Variants in BFSP1 observed in about 807,000 individuals in gnomAD.
BFSP1 encodes filensin.
Under a neutral mutation model 43.9 loss-of-function variants are expected in BFSP1, and 38 were observed. The ratio of observed to expected loss-of-function variants is 0.87; its 90% confidence interval spans 0.67 to 1.14. The LOEUF (loss-of-function observed/expected upper bound fraction) is 1.14. Ranked by LOEUF, BFSP1 falls within the 50% of genes most tolerant of loss-of-function variation. The pLI, the probability that BFSP1 is intolerant of heterozygous loss-of-function variation, is 0.00. For missense variants in BFSP1, 850 were observed against 875.1 expected (o/e 0.97, Z 0.36); for synonymous variants, 352 against 354.8 (o/e 0.99, Z 0.09).
chr20:17,494,041 C>A lies in BFSP1; in HGVS notation c.*33G>T, dbSNP rs1485699791. ...CAAAGCATTACCCCTACAGTGGCCC[C>A]AAATACATTTTATCCCATCAAGCCT... On this transcript the variant is annotated 3_prime_UTR_variant, in exon 8 of 8. Coordinates refer to ENST00000377873, the MANE Select transcript of BFSP1 (RefSeq NM_001195.5). 6.4e-7 allele frequency: 1 copy of A among 1,559,076 alleles called. No individual in the cohort carries two copies.
rs1156875265 is a variant in BFSP1 at position 17,539,105 on chromosome 20, CTTTTTTTTTTT to C, written c.3-14208_3-14198del. ...TGCATCCATGAATATATTTCTTCTT[CTTTTTTTTTTT>C]TTTTTTTTTTTTTTTGCAATGGGGT... is the stretch of plus-strand genomic sequence containing the variant. On this transcript the variant is annotated intron_variant, in intron 1 of 7. Coordinates refer to the BFSP1 transcript ENST00000377868. Among the ~76,000 whole-genome samples, 10 of 63,556 alleles carry C rather than the reference CTTTTTTTTTTT, an allele frequency of 1.6e-4. No homozygotes were observed. In the East Asian group the frequency reaches 4.6e-3, roughly 29 times the overall value. 41.7% of individuals were successfully genotyped at this position (63,556 alleles called of 152,430 possible).
chr20:17,514,867 G>A, intron 2 of BFSP1, 51 bp from the exon 3 acceptor site: 1 of 1,552,936 alleles, frequency 6.4e-7, no homozygotes. Flanking sequence ...GAGCATAGGG[G>A]TAAAGCTGGC....
At chr20:17,541,873 A>G (rs529597910) in intron 1 of BFSP1, among the ~76,000 whole-genome samples, 14 of 152,348 alleles carry the variant, frequency 9.2e-5, no homozygotes, top group African/African-American at 3.4e-4. Flanking sequence ...GTCCTCGGTG[A>G]CCCTAATTGC....
intron 7 of BFSP1, among the ~76,000 whole-genome samples, chr20:17,495,752 TG>T (rs1179983624): frequency 1.3e-5 from 2 of 152,180 alleles, no homozygotes; most frequent in African/African-American, 4.8e-5. Flanking sequence ...AATTCTCACC[TG>T]GTATAATCTA....
Position 17,509,088 on chromosome 20 carries a change from G to A in BFSP1, c.628-92C>T, listed in dbSNP as rs2281207. 146,076 of 901,020 alleles carry A rather than the reference G, an allele frequency of 0.16. 14,527 individuals carry two copies. Among genetic ancestry groups the A allele is most frequent in the East Asian group, 0.43 (13,869 of 32,436 alleles). The allele number at this position is 901,020 out of a possible 1,614,324, so 55.8% of individuals were successfully genotyped here. A position where few individuals can be genotyped will look rare whatever the true frequency, so the allele number is the denominator to read the frequency against. The stretch of plus-strand genomic sequence containing the variant: ...GGGCCCTGGTATGGACGGAATATCC[G>A]TGTCCCCCTGAATTCTGTGTTGAAG... On this transcript the variant is annotated intron_variant, in intron 4 of 7. Transcript: ENST00000377873.
At chr20:17,536,938 T>C (rs2034637041) in intron 1 of BFSP1, among the ~76,000 whole-genome samples, 1 of 152,178 alleles carries the variant, frequency 6.6e-6, no homozygotes, top group Non-Finnish European at 1.5e-5. Flanking sequence ...AAGTCCTAAC[T>C]CCCTCAAAAT....
intron 1 of BFSP1, among the ~76,000 whole-genome samples, chr20:17,557,752 G>A (rs900870224): frequency 2.0e-5 from 3 of 152,180 alleles, no homozygotes; most frequent in African/African-American, 7.2e-5. Flanking sequence ...TGGTTCCAGT[G>A]TGTGTGTTGG....
intron 2 of BFSP1, among the ~76,000 whole-genome samples, chr20:17,521,661 G>A (rs1239216487): frequency 6.6e-6 from 1 of 152,192 alleles, no homozygotes; most frequent in East Asian, 1.9e-4. Flanking sequence ...TGTTCACCTG[G>A]CCCTGCCCTT....
rs374664442 is a variant in BFSP1 at position 17,494,196 on chromosome 20, C to T, written c.1876G>A (p.Glu626Lys). ...ALAYKTVEVV[E>K]SIEKISTESI... ...TCCGTGGAAATCTTCTCGATAGATT[C>T]CACCACTTCCACTGTCTTATAGGCC... Residue 626 changes from glutamate to lysine, a missense_variant, in exon 8 of 8, where the codon GAA becomes AAA. Coordinates refer to ENST00000377873, the MANE Select transcript of BFSP1 (RefSeq NM_001195.5). 8.0e-5 allele frequency: 129 copies of T among 1,614,056 alleles called. 2 individuals are homozygous for T. In the Middle Eastern group the frequency reaches 1.8e-3, roughly 23 times the overall value.
intron 5 of BFSP1, among the ~76,000 whole-genome samples, chr20:17,501,249 G>C (rs577053091): frequency 6.6e-6 from 1 of 152,332 alleles, no homozygotes; most frequent in Non-Finnish European, 1.5e-5. Context: ...AATTCCTTAA[G>C]TGAAAATGTA....
At chr20:17,538,089 C>T (rs908136422) in intron 1 of BFSP1, among the ~76,000 whole-genome samples, 7 of 150,590 alleles carry the variant, frequency 4.6e-5, no homozygotes, top group African/African-American at 1.7e-4. Context: ...CCACTGCACT[C>T]CAGCCTGGGT....
Position 17,494,642 on chromosome 20 carries a change from G to A in BFSP1, c.1430C>T (p.Ala477Val), listed in dbSNP as rs1209265317. The A allele has an allele frequency of 6.8e-6, 11 of 1,614,084 alleles. No homozygotes were observed. In the Admixed American group the frequency reaches 1.8e-4, roughly 27 times the overall value. The change falls in exon 8 of 8, where the codon GCC becomes GTC. Residue 477 changes from alanine to valine, a missense_variant. Physicochemically the swap from Ala to Val is moderately conservative, Grantham distance 64. Coordinates refer to ENST00000377873, the MANE Select transcript of BFSP1 (RefSeq NM_001195.5). ...ATAGAATCTAGGGTCCACGTAATTG[G>A]CATCCCCTGTGACCAGCACGTGCCG... ...KERHVLVTGD[A>V]NYVDPRFYVS...
Position 17,531,059 on chromosome 20 carries a change from G to A in BFSP1, c.271C>T (p.Gln91Ter). 1 of 1,401,300 alleles carries A rather than the reference G, an allele frequency of 7.1e-7. No homozygotes were observed. The allele number at this position is 1,401,300 out of a possible 1,614,324, so 86.8% of individuals were successfully genotyped here. A position where few individuals can be genotyped will look rare whatever the true frequency, so the allele number is the denominator to read the frequency against. ...ACGCGCTGGCGGTTGCTCTCGACTT[G>A]GCGGGCGAGGGCGTCCTCGGGCCCG... ...LAGPEDALAR[Q>*]VESNRQRVRD... The change falls in exon 1 of 8, where the codon CAA becomes TAA. Residue 91 changes from glutamine to a stop codon, truncating the protein, a stop_gained. Transcript: ENST00000377873. LOFTEE classifies it high-confidence loss of function.
At chr20:17,541,335 A>G in intron 1 of BFSP1, 2 of 861,076 alleles carry the variant, frequency 2.3e-6, no homozygotes, top group Non-Finnish European at 2.8e-6. Flanking sequence ...ATGGATCATT[A>G]CAAGGGATCT....
rs920447344 is a variant in BFSP1 at position 17,514,897 on chromosome 20, A to G, written c.439-81T>C. ...GCTGGCCGGGTATATGAGCACACAG[A>G]CCACCTGGGAGCTTACTGAAATGCA... On this transcript the variant is annotated intron_variant, in intron 2 of 7. Transcript: ENST00000377873. The G allele has an allele frequency of 8.9e-6, 11 of 1,235,990 alleles. No homozygotes were observed. The African/African-American group carries it at 1.0e-4, about 12-fold the overall frequency. The allele number at this position is 1,235,990 out of a possible 1,614,324, so 76.6% of individuals were successfully genotyped here.
rs1276454171 is a variant in BFSP1 at position 17,512,007 on chromosome 20, G to A, written c.596C>T (p.Pro199Leu). 6 of 1,611,738 alleles carry A rather than the reference G, an allele frequency of 3.7e-6. No individual in the cohort carries two copies. Among genetic ancestry groups the A allele is most frequent in the Non-Finnish European group, 5.1e-6 (6 of 1,178,004 alleles). Reference sequence around the variant, plus strand: ...CATCCCACTCGTCACAATGGATGCTGGAGGAGTGGTGTGGATGATCTGCTG... The same window carrying A: ...CATCCCACTCGTCACAATGGATGCTAGAGGAGTGGTGTGGATGATCTGCTG... The part of the protein sequence containing the change: ...ILQQIIHTTP[P>L]ASIVTSGMRE... The change falls in exon 4 of 8, where the codon CCA becomes CTA. Residue 199 changes from proline to leucine, a missense_variant. Coordinates refer to ENST00000377873, the MANE Select transcript of BFSP1 (RefSeq NM_001195.5).
chr20:17,498,518 T>C (rs2033710549), intron 6 of BFSP1, among the ~76,000 whole-genome samples: 1 of 152,314 alleles, frequency 6.6e-6, no homozygotes, highest in African/African-American at 2.4e-5. Flanking sequence ...CAGAGGCCTA[T>C]GAGCAAAACA....
intron 1 of BFSP1, among the ~76,000 whole-genome samples, chr20:17,546,005 C>G (rs771012641): frequency 1.3e-5 from 2 of 152,174 alleles, no homozygotes; most frequent in African/African-American, 2.4e-5. Context: ...TCACACTTTA[C>G]CACTTACCTT....
Position 17,494,625 on chromosome 20 carries a change from T to C in BFSP1, c.1447A>G (p.Arg483Gly). The C allele has an allele frequency of 6.2e-7, 1 of 1,614,166 alleles. No individual in the cohort carries two copies. Among genetic ancestry groups the C allele is most frequent in the East Asian group, 2.2e-5 (1 of 44,886 alleles). ...VTGDANYVDP[R>G]FYVSSITAKG... ...GCTGTGATGGAGGAGACATAGAATCTAGGGTCCACGTAATTGGCATCCCCT... is the reference window on the plus strand; with the variant it reads ...GCTGTGATGGAGGAGACATAGAATCCAGGGTCCACGTAATTGGCATCCCCT... The change falls in exon 8 of 8, where the codon AGA (arginine) becomes GGA (glycine). Residue 483 changes from arginine (R) to glycine (G), a missense_variant. Transcript: ENST00000377873.
Sources: gnomAD v4.1 joint callset for allele counts (sites outside exome capture counted in the v4.1 genomes callset) on GRCh38, gnomAD v4.1.1 for gene constraint, MANE v1.5 for transcripts, NCBI Gene and HGNC (gene_info 2026-07-23, HGNC 2026-07-21) for gene names.